The following SHPRH variants were observed in gnomAD, a reference collection of about 807,000 sequenced individuals.
SHPRH encodes SNF2 histone linker PHD RING helicase.
SHPRH carries 106 observed loss-of-function variants against 202.5 expected under a neutral mutation model. The ratio of observed to expected loss-of-function variants is 0.52; its 90% CI spans 0.45 to 0.62. The LOEUF (loss-of-function observed/expected upper bound fraction) is 0.62, where lower values mean the gene tolerates loss of function less well. Among genes scored for constraint, SHPRH ranks in the 20% least tolerant of loss-of-function variants. The pLI is 0.00. For synonymous variants in SHPRH, 729 were observed against 686.0 expected, an observed-to-expected ratio of 1.06 and a Z score of -0.98; for missense variants, 1,710 against 2,020.0, an observed-to-expected ratio of 0.85 and a Z score of 2.94.
At chr6:145,888,158 C>A in intron 28 of SHPRH, 58 bp from the exon 29 acceptor site, 1 of 1,281,848 alleles carries the variant, frequency 7.8e-7, no homozygotes. Context: ...TCAGTACAAA[C>A]CGACTTCACA....
At chr6:145,869,654 A>G (rs1779962737) in intron 2 of SHPRH, among the ~76,000 whole-genome samples, 1 of 151,928 alleles carries the variant, frequency 6.6e-6, no homozygotes, top group South Asian at 2.1e-4. Flanking sequence ...GGGTCTATTT[A>G]TGGGTTTTCT....
At chr6:145,961,136 G>T (rs1021939429) in intron 1 of SHPRH, among the ~76,000 whole-genome samples, 1 of 152,122 alleles carries the variant, frequency 6.6e-6, no homozygotes, top group Non-Finnish European at 1.5e-5. Flanking sequence ...TGGCCTGAGG[G>T]GTGGGGACCC....
intron 8 of SHPRH, among the ~76,000 whole-genome samples, chr6:145,944,816 A>T (rs544998965): frequency 5.9e-4 from 90 of 152,240 alleles, no homozygotes; most frequent in African/African-American, 2.0e-3. Context: ...CAGAAATTGT[A>T]TAAGATAATA....
chr6:145,900,002 T>C (rs1782354150), intron 25 of SHPRH, among the ~76,000 whole-genome samples: 1 of 151,928 alleles, frequency 6.6e-6, no homozygotes, highest in Non-Finnish European at 1.5e-5. Flanking sequence ...AGACAAGAGA[T>C]AAGTATTGGT....
intron 23 of SHPRH, 62 bp downstream of exon 23, chr6:145,918,069 G>T: frequency 8.1e-7 from 1 of 1,237,542 alleles, no homozygotes; most frequent in Non-Finnish European, 1.1e-6. Context: ...TATGAAAGGA[G>T]TCACTAAAGT....
At chr6:145,933,248 A>G (rs1457536364) in intron 13 of SHPRH, 70 bp from the exon 14 acceptor site, 22 of 1,607,308 alleles carry the variant, frequency 1.4e-5, no homozygotes, top group Non-Finnish European at 1.8e-5. Context: ...GGAGTGTTAT[A>G]TCTCACATGA....
intron 4 of SHPRH, among the ~76,000 whole-genome samples, chr6:145,949,170 C>G (rs892219196): frequency 6.6e-6 from 1 of 152,006 alleles, no homozygotes; most frequent in Admixed American, 6.6e-5. Context: ...TCTCAAAGAA[C>G]TAAAAGTAGA....
intron 4 of SHPRH, among the ~76,000 whole-genome samples, chr6:145,949,539 G>A (rs1429537708): frequency 1.3e-5 from 2 of 152,034 alleles, no homozygotes; most frequent in African/African-American, 4.8e-5. Context: ...TAAGCTATAA[G>A]TACATGGGGG....
Position 145,964,231 on chromosome 6 carries a change from G to C in SHPRH, c.-533C>G, listed in dbSNP as rs1789422207. ...TCCTCTACAGACCCAGCAGATCACG[G>C]GCACGCATTCGCCACCCACCGAACA... On this transcript the variant is annotated 5_prime_UTR_variant, in exon 1 of 30. Coordinates refer to ENST00000275233, the MANE Select transcript of SHPRH (RefSeq NM_001042683.3). 6.6e-6 allele frequency: 1 copy of C among 152,286 alleles called. No homozygotes were observed. Among genetic ancestry groups the C allele is most frequent in the Non-Finnish European group, 1.5e-5 (1 of 68,178 alleles). 9.4% of individuals were successfully genotyped at this position (152,286 alleles called of 1,614,324 possible). A position where few individuals can be genotyped will look rare whatever the true frequency, so the allele number is the denominator to read the frequency against.
At chr6:145,916,864 C>T (rs970198268) in intron 23 of SHPRH, among the ~76,000 whole-genome samples, 1 of 152,040 alleles carries the variant, frequency 6.6e-6, no homozygotes, top group African/African-American at 2.4e-5. Flanking sequence ...CTCACTGCAA[C>T]CTCTGTCTCC....
At chr6:145,948,944 G>A (rs1018308479) in intron 4 of SHPRH, among the ~76,000 whole-genome samples, 1 of 151,940 alleles carries the variant, frequency 6.6e-6, no homozygotes, top group African/African-American at 2.4e-5. Context: ...CAAATAAGTA[G>A]CATGTCTCTA....
At chr6:145,938,036 G>A (rs1786306959) in intron 11 of SHPRH, among the ~76,000 whole-genome samples, 1 of 152,144 alleles carries the variant, frequency 6.6e-6, no homozygotes, top group Non-Finnish European at 1.5e-5. Context: ...AAGCTCAATA[G>A]ATAAGGGATC....
At chr6:145,902,559 T>A (rs1317034262) in intron 25 of SHPRH, among the ~76,000 whole-genome samples, 6 of 152,010 alleles carry the variant, frequency 3.9e-5, no homozygotes, top group Non-Finnish European at 8.8e-5. Flanking sequence ...TCCTCTCCCC[T>A]CCAGAATGAG....
At chr6:145,939,563 G>GTCAT (rs1302648149) in intron 11 of SHPRH, among the ~76,000 whole-genome samples, 1 of 152,086 alleles carries the variant, frequency 6.6e-6, no homozygotes, top group Non-Finnish European at 1.5e-5. Flanking sequence ...AACTCTGATA[G>GTCAT]TCATGTACTC....
At chr6:145,893,192 CT>C in intron 28 of SHPRH, 22 bp downstream of exon 28, 1 of 1,480,470 alleles carries the variant, frequency 6.8e-7, no homozygotes, top group Non-Finnish European at 9.0e-7. Context: ...GCAAATGTGA[CT>C]GATTCTAATT....
At chr6:145,893,426 C>T (rs376222839) in intron 27 of SHPRH, 33 bp from the exon 28 acceptor site, 544 of 1,534,678 alleles carry the variant, frequency 3.5e-4, no homozygotes, top group Non-Finnish European at 4.5e-4. Flanking sequence ...AATTTTAGCT[C>T]GATCAGTTAA....
chr6:145,947,029 A>G (rs139147294), intron 6 of SHPRH, among the ~76,000 whole-genome samples: 1 of 152,218 alleles, frequency 6.6e-6, no homozygotes, highest in African/African-American at 2.4e-5. Flanking sequence ...TTTTGGGACA[A>G]GGACTTGAAG....
At chr6:145,927,722 C>A (rs1452940497) in intron 14 of SHPRH, among the ~76,000 whole-genome samples, 1 of 151,552 alleles carries the variant, frequency 6.6e-6, no homozygotes, top group Non-Finnish European at 1.5e-5. Context: ...ACACTCCAAC[C>A]AACCCACACA....
chr6:145,872,010 C>G (rs577207355), intron 2 of SHPRH, among the ~76,000 whole-genome samples: 1 of 152,282 alleles, frequency 6.6e-6, no homozygotes, highest in East Asian at 1.9e-4. Flanking sequence ...GATATTGAAA[C>G]TGGCACCTTC....
Sources: gnomAD v4.1 joint callset for allele counts (sites outside exome capture counted in the v4.1 genomes callset) on GRCh38, gnomAD v4.1.1 for gene constraint, MANE v1.5 for transcripts, NCBI Gene and HGNC (gene_info 2026-07-23, HGNC 2026-07-21) for gene names.